RAPGEF5: variants seen among roughly 807,000 people sequenced by gnomAD.
RAPGEF5 encodes Rap guanine nucleotide exchange factor 5, also known as M-Ras-regulated GEF.
Under a neutral mutation model 125.2 loss-of-function variants are expected in RAPGEF5, and 65 were observed. The ratio of observed to expected loss-of-function variants is 0.52; its 90% CI spans 0.43 to 0.64. The LOEUF (loss-of-function observed/expected upper bound fraction) is 0.64, where lower values mean the gene tolerates loss of function less well. RAPGEF5 is among the 30% of genes least tolerant of loss of function. The pLI, the probability that RAPGEF5 is intolerant of heterozygous loss-of-function variation, is 0.00. For synonymous variants in RAPGEF5, 391 were observed against 385.9 expected, an observed-to-expected ratio of 1.01 and a Z score of -0.16; for missense variants, 958 against 1,048.1, an observed-to-expected ratio of 0.91 and a Z score of 1.19.
rs186376007 is a variant in RAPGEF5, at chr7:22,175,450, G to A, written c.1205-8302C>T. ...TAGTAAGAGCAGTTGCTCTCACAAG[G>A]AGCTGGGATGAAAAATTTCTCAATA... On this transcript the variant is annotated intron_variant, in intron 11 of 25. Transcript: ENST00000665637. 9.1e-4 allele frequency among the ~76,000 whole-genome samples: 139 copies of A among 152,312 alleles called. 1 individual carries two copies. In the South Asian group the frequency reaches 0.018, roughly 20 times the overall value.
rs568352797 is a variant in RAPGEF5 at position 22,293,299 on chromosome 7, A to G, written c.681-2058T>C. Reference sequence around the variant, plus strand: ...CATGGGTACCTTACAGGCTAACTCAACCTAACTCACACTGAACTCCTCTCT... The same window carrying G: ...CATGGGTACCTTACAGGCTAACTCAGCCTAACTCACACTGAACTCCTCTCT... On this transcript the variant is annotated intron_variant, in intron 5 of 25. Transcript: ENST00000665637. Among the ~76,000 whole-genome samples, 204 of 152,190 alleles carry G rather than the reference A, an allele frequency of 1.3e-3. 1 individual carries two copies. Among genetic ancestry groups the G allele is most frequent in the Non-Finnish European group, 3.2e-4 (22 of 68,016 alleles).
chr7:22,290,744 C>CA (rs398003971), intron 6 of RAPGEF5, among the ~76,000 whole-genome samples: 7,156 of 85,700 alleles, frequency 0.084, 309 homozygotes, highest in Admixed American at 0.13. Context: ...GACTCCGTCT[C>CA]AAAAAAAAAA....
chr7:22,209,634 G>T (rs562858713), intron 9 of RAPGEF5, among the ~76,000 whole-genome samples: 15 of 152,120 alleles, frequency 9.9e-5, no homozygotes, highest in East Asian at 3.9e-4. Flanking sequence ...TTTATTTTTT[G>T]CTGGCCAAAT....
intron 8 of RAPGEF5, among the ~76,000 whole-genome samples, chr7:22,223,118 C>G (rs757628542): frequency 5.3e-5 from 8 of 152,170 alleles, no homozygotes; most frequent in Non-Finnish European, 7.4e-5. Context: ...TGGTATTCCT[C>G]TGGTTTTACC....
intron 5 of RAPGEF5, among the ~76,000 whole-genome samples, chr7:22,298,142 T>G (rs1204360274): frequency 6.6e-6 from 1 of 151,862 alleles, no homozygotes; most frequent in African/African-American, 2.4e-5. Flanking sequence ...GTGAGGAAGA[T>G]TGTGTCTATG....
At chr7:22,333,842 CAG>C (rs1403116460) in intron 1 of RAPGEF5, among the ~76,000 whole-genome samples, 1 of 146,364 alleles carries the variant, frequency 6.8e-6, no homozygotes, top group Non-Finnish European at 1.5e-5. Context: ...CCCAGAGAAA[CAG>C]AGAGAGAACC....
intron 3 of RAPGEF5, among the ~76,000 whole-genome samples, chr7:22,311,249 C>T (rs746182438): frequency 6.6e-6 from 1 of 152,078 alleles, no homozygotes; most frequent in Non-Finnish European, 1.5e-5. Context: ...AACTCCTGAG[C>T]TCAAGTGATC....
chr7:22,152,904 C>G (rs369723319), intron 17 of RAPGEF5, among the ~76,000 whole-genome samples: 1 of 152,132 alleles, frequency 6.6e-6, no homozygotes, highest in East Asian at 1.9e-4. Flanking sequence ...TGGGATAATT[C>G]AAGAGATATG....
At chr7:22,319,236 C>T (rs937917441) in intron 1 of RAPGEF5, among the ~76,000 whole-genome samples, 3 of 152,158 alleles carry the variant, frequency 2.0e-5, no homozygotes, top group African/African-American at 7.2e-5. Context: ...CTAAGTCTTG[C>T]TATCTTTTGA....
intron 24 of RAPGEF5, 64 bp from the exon 25 acceptor site, chr7:22,125,722 T>A: frequency 6.9e-7 from 1 of 1,441,124 alleles, no homozygotes; most frequent in Non-Finnish European, 9.8e-7. Flanking sequence ...GAAGAAGCAG[T>A]GCCTGCTAGG....
rs535931805 is a variant in RAPGEF5, at chr7:22,139,534, C to A, written c.2277+491G>T. 6.3e-4 allele frequency among the ~76,000 whole-genome samples: 96 copies of A among 152,358 alleles called. 2 individuals carry two copies. The highest frequency in any genetic ancestry group is 2.2e-3 in the African/African-American group (91 of 41,586). On this transcript the variant is annotated intron_variant, in intron 21 of 25. Transcript: ENST00000665637. ...TGCATCTCAGAACCCAAACAGCCTT[C>A]GGCGTGCAGAGCCAGGAAGTGGGAG... is the stretch of plus-strand genomic sequence containing the variant.
chr7:22,317,384 G>T (rs1169520550), intron 2 of RAPGEF5, among the ~76,000 whole-genome samples: 2 of 151,888 alleles, frequency 1.3e-5, no homozygotes, highest in African/African-American at 4.8e-5. Context: ...GGGACTACAG[G>T]TGCCCACCAC....
intron 1 of RAPGEF5, among the ~76,000 whole-genome samples, chr7:22,336,689 C>A (rs1358316150): frequency 6.6e-6 from 1 of 152,162 alleles, no homozygotes; most frequent in Non-Finnish European, 1.5e-5. Context: ...GGGGAGGAGC[C>A]TGGCCCCTCC....
intron 1 of RAPGEF5, among the ~76,000 whole-genome samples, chr7:22,322,473 A>T (rs1045860659): frequency 2.6e-5 from 4 of 152,012 alleles, no homozygotes; most frequent in African/African-American, 7.3e-5. Flanking sequence ...CATGCATCAC[A>T]TTACTTAATA....
At chr7:22,289,737 T>C (rs749856289) in intron 6 of RAPGEF5, among the ~76,000 whole-genome samples, 12 of 152,270 alleles carry the variant, frequency 7.9e-5, no homozygotes, top group Admixed American at 3.3e-4. Context: ...AATCTCATCT[T>C]GGATTGTAAT....
chr7:22,189,222 T>G (rs1332038069), intron 11 of RAPGEF5, among the ~76,000 whole-genome samples: 1 of 151,776 alleles, frequency 6.6e-6, no homozygotes, highest in Non-Finnish European at 1.5e-5. Flanking sequence ...AATAAGGAAA[T>G]GGGAAATAAC....
chr7:22,213,391 G>A (rs1271829789), intron 9 of RAPGEF5, among the ~76,000 whole-genome samples: 1 of 152,190 alleles, frequency 6.6e-6, no homozygotes, highest in African/African-American at 2.4e-5. Context: ...AAATGTGTTT[G>A]CCAGATTTTA....
intron 1 of RAPGEF5, among the ~76,000 whole-genome samples, chr7:22,340,746 CT>C (rs943224925): frequency 4.6e-5 from 7 of 152,226 alleles, no homozygotes; most frequent in African/African-American, 1.7e-4. Flanking sequence ...TCCGTTCCCC[CT>C]AAGAGGTGAT....
At position 22,184,920 on chromosome 7, in the gene RAPGEF5, C is replaced by T. The variant is rs114718697; in HGVS notation, c.1204+8447G>A. On this transcript the variant is annotated intron_variant, in intron 11 of 25. Coordinates refer to ENST00000665637, the MANE Select transcript of RAPGEF5 (RefSeq NM_012294.5). ...ATACAGTGTCAGCTGGAACTAGGAC[C>T]TCTCTCTCTTTCTCTCTCCTCTCTC... is the stretch of plus-strand genomic sequence containing the variant. Among the ~76,000 whole-genome samples the T allele has an allele frequency of 2.1e-3, 321 of 152,168 alleles. 1 individual carries two copies. The highest frequency in any genetic ancestry group is 7.4e-3 in the African/African-American group (308 of 41,514).
Sources: gnomAD v4.1 joint callset for allele counts (sites outside exome capture counted in the v4.1 genomes callset) on GRCh38, gnomAD v4.1.1 for gene constraint, MANE v1.5 for transcripts, NCBI Gene and HGNC (gene_info 2026-07-23, HGNC 2026-07-21) for gene names.